CCSER1: variants seen among roughly 807,000 people sequenced by gnomAD.
CCSER1 encodes the protein coiled-coil serine rich protein 1, also known as serine-rich coiled-coil domain-containing protein 1.
Under a neutral mutation model 82.0 loss-of-function variants are expected in CCSER1, and 41 were observed. That is an observed-to-expected ratio of 0.50 (90% confidence interval 0.39 to 0.65). The LOEUF (loss-of-function observed/expected upper bound fraction) is 0.65. CCSER1 is among the 30% of genes least tolerant of loss of function. The pLI, the probability that CCSER1 is intolerant of heterozygous loss-of-function variation, is 0.00. For synonymous variants in CCSER1, 414 were observed against 383.9 expected (o/e 1.08, Z -0.92); for missense variants, 1,119 against 1,064.2 (o/e 1.05, Z -0.72).
intron 3 of CCSER1, among the ~76,000 whole-genome samples, chr4:90,315,533 C>G (rs984992201): frequency 6.6e-6 from 1 of 152,122 alleles, no homozygotes; most frequent in African/African-American, 2.4e-5. Flanking sequence ...AAGGCAGAGT[C>G]TCACTCTGTC....
chr4:91,051,971 TA>T (rs1447419930), intron 9 of CCSER1, among the ~76,000 whole-genome samples: 6 of 152,100 alleles, frequency 3.9e-5, no homozygotes, highest in African/African-American at 1.4e-4. Flanking sequence ...GTAAGGGCAG[TA>T]AGCTCAAAGG....
intron 3 of CCSER1, among the ~76,000 whole-genome samples, chr4:90,347,921 A>T (rs1288556771): frequency 1.3e-5 from 2 of 152,186 alleles, no homozygotes; most frequent in Non-Finnish European, 2.9e-5. Context: ...AACACCATGG[A>T]ATATTATGCA....
At chr4:90,957,393 C>T (rs1733574626) in intron 9 of CCSER1, among the ~76,000 whole-genome samples, 1 of 146,406 alleles carries the variant, frequency 6.8e-6, no homozygotes, top group Non-Finnish European at 1.5e-5. Flanking sequence ...AGCCACCGTG[C>T]CTAGCCCCAG....
At chr4:90,851,715 A>C (rs999199541) in intron 8 of CCSER1, among the ~76,000 whole-genome samples, 15 of 152,096 alleles carry the variant, frequency 9.9e-5, no homozygotes, top group African/African-American at 3.6e-4. Context: ...GAAATTAAAC[A>C]GTATGTTTCT....
At chr4:91,479,320 A>G (rs1757761792) in intron 10 of CCSER1, among the ~76,000 whole-genome samples, 1 of 151,970 alleles carries the variant, frequency 6.6e-6, no homozygotes, top group Non-Finnish European at 1.5e-5. Flanking sequence ...GCTTCTGTAC[A>G]TTAAAAATTC....
At chr4:90,229,047 G>A (rs1410629200) in intron 1 of CCSER1, among the ~76,000 whole-genome samples, 1 of 152,196 alleles carries the variant, frequency 6.6e-6, no homozygotes, top group Non-Finnish European at 1.5e-5. Flanking sequence ...AAAACACTCT[G>A]CAGGATGTCA....
At chr4:91,009,339 T>C (rs1313525518) in intron 9 of CCSER1, among the ~76,000 whole-genome samples, 1 of 152,184 alleles carries the variant, frequency 6.6e-6, no homozygotes, top group Non-Finnish European at 1.5e-5. Flanking sequence ...TTTCAGGCAA[T>C]AGATGATTGG....
chr4:91,308,877 T>C (rs1674159612), intron 10 of CCSER1, among the ~76,000 whole-genome samples: 1 of 151,970 alleles, frequency 6.6e-6, no homozygotes, highest in South Asian at 2.1e-4. Flanking sequence ...TAATTTGTAA[T>C]TTTCTATGAC....
At chr4:90,326,512 G>C (rs903540773) in intron 3 of CCSER1, among the ~76,000 whole-genome samples, 2 of 151,468 alleles carry the variant, frequency 1.3e-5, no homozygotes, top group Admixed American at 6.6e-5. Flanking sequence ...TTCTTAGTTT[G>C]GTACATCCCA....
intron 9 of CCSER1, among the ~76,000 whole-genome samples, chr4:91,008,148 G>C (rs1002168955): frequency 6.6e-6 from 1 of 151,936 alleles, no homozygotes; most frequent in Admixed American, 6.5e-5. Context: ...GTAGCCTGTC[G>C]TATGGTCTAT....
chr4:90,297,673 C>T (rs370064349), intron 1 of CCSER1, among the ~76,000 whole-genome samples: 9,416 of 150,060 alleles, frequency 0.063, 868 homozygotes, highest in African/African-American at 0.2. Context: ...ATCCCATCAA[C>T]ACCTAATTTA....
At chr4:90,172,225 T>C (rs891715197) in intron 1 of CCSER1, among the ~76,000 whole-genome samples, 18 of 151,908 alleles carry the variant, frequency 1.2e-4, no homozygotes, top group African/African-American at 3.6e-4. Context: ...AACTCAGAGA[T>C]TGTTAAAGTA....
Position 90,150,071 on chromosome 4 carries a change from G to T in CCSER1, c.-42+22240G>T, listed in dbSNP as rs540328807. On this transcript the variant is annotated intron_variant, in intron 1 of 10. Coordinates refer to ENST00000509176, the MANE Select transcript of CCSER1 (RefSeq NM_001145065.2). ...AGTAGGGTTGGCCCTCCATATAGGGGATAACCACATCCTCAACCAAACATG... is the reference window on the plus strand; with the variant it reads ...AGTAGGGTTGGCCCTCCATATAGGGTATAACCACATCCTCAACCAAACATG... Among the ~76,000 whole-genome samples, 6 of 152,226 alleles carry T rather than the reference G, an allele frequency of 3.9e-5. No homozygotes were observed. In the South Asian group the frequency reaches 1.2e-3, roughly 32 times the overall value.
intron 6 of CCSER1, among the ~76,000 whole-genome samples, chr4:90,669,695 C>G (rs1265204692): frequency 1.3e-5 from 2 of 152,014 alleles, no homozygotes; most frequent in Non-Finnish European, 2.9e-5. Flanking sequence ...TGAATCATGT[C>G]ACCTTCATTT....
chr4:90,770,863 C>A (rs1047800363), intron 7 of CCSER1, among the ~76,000 whole-genome samples: 1 of 152,082 alleles, frequency 6.6e-6, no homozygotes, highest in Non-Finnish European at 1.5e-5. Context: ...AATAAAATTT[C>A]TTGCTCAATA....
At chr4:91,288,371 T>C (rs889680939) in intron 10 of CCSER1, among the ~76,000 whole-genome samples, 15 of 151,960 alleles carry the variant, frequency 9.9e-5, no homozygotes, top group Non-Finnish European at 1.5e-4. Context: ...TAAGTAAAGA[T>C]AGATACTGAC....
chr4:90,841,629 C>T (rs1318276575), intron 8 of CCSER1, among the ~76,000 whole-genome samples: 1 of 151,324 alleles, frequency 6.6e-6, no homozygotes, highest in African/African-American at 2.4e-5. Context: ...GCATGTTTTC[C>T]CTGACATAGT....
intron 1 of CCSER1, among the ~76,000 whole-genome samples, chr4:90,294,340 G>A (rs1007623053): frequency 2.6e-5 from 4 of 151,722 alleles, no homozygotes; most frequent in East Asian, 1.9e-4. Flanking sequence ...GCGAGACCCC[G>A]TTCTCCATAA....
intron 10 of CCSER1, among the ~76,000 whole-genome samples, chr4:91,378,651 C>G (rs949849874): frequency 1.3e-5 from 2 of 152,170 alleles, no homozygotes; most frequent in African/African-American, 4.8e-5. Context: ...AGATTTTGGG[C>G]TGAGATGATG....
Sources: gnomAD v4.1 joint callset for allele counts (sites outside exome capture counted in the v4.1 genomes callset) on GRCh38, gnomAD v4.1.1 for gene constraint, MANE v1.5 for transcripts, NCBI Gene and HGNC (gene_info 2026-07-23, HGNC 2026-07-21) for gene names.